Variants in TUNAR observed in about 807,000 individuals in gnomAD.
TUNAR encodes the protein transmembrane neural differentiation associated intracellular calcium regulator, also known as protein TUNAR.
At chr14:95,879,545 C>T (rs1888943955) in intron 2 of TUNAR, among the ~76,000 whole-genome samples, 1 of 152,190 alleles carries the variant, frequency 6.6e-6, no homozygotes, top group Non-Finnish European at 1.5e-5. Context: ...TCATACTACT[C>T]ATAGCCAAAG....
intron 2 of TUNAR, among the ~76,000 whole-genome samples, chr14:95,910,076 ATTTCT>A (rs1398276044): frequency 1.3e-5 from 2 of 152,182 alleles, no homozygotes; most frequent in Non-Finnish European, 2.9e-5. Context: ...GTGTATGATC[ATTTCT>A]TTACTTTTTT....
Position 95,888,298 on chromosome 14 carries a change from A to G in TUNAR, c.12+11121A>G, listed in dbSNP as rs752343361. The stretch of plus-strand genomic sequence containing the variant: ...CCGTGGACTCTTTCACTGAATGTGT[A>G]CAATAGCTTGATAAAGGAGTTAATT... On this transcript the variant is annotated intron_variant, in intron 2 of 2. Transcript: ENST00000678517. Among the ~76,000 whole-genome samples, 3 of 152,250 alleles carry G rather than the reference A, an allele frequency of 2.0e-5. No individual in the cohort carries two copies. The East Asian group carries it at 5.8e-4, about 29-fold the overall frequency.
intron 2 of TUNAR, among the ~76,000 whole-genome samples, chr14:95,919,512 C>T (rs1889657411): frequency 6.6e-6 from 1 of 151,444 alleles, no homozygotes; most frequent in African/African-American, 2.4e-5. Context: ...AGTTCAAGAC[C>T]AGCCTAGCAA....
chr14:95,879,517 C>T (rs1053808511), intron 2 of TUNAR, among the ~76,000 whole-genome samples: 6 of 152,154 alleles, frequency 3.9e-5, no homozygotes, highest in African/African-American at 7.2e-5. Context: ...TATGAAATAA[C>T]GATTTTTGTG....
chr14:95,903,903 C>T (rs1889392516), intron 2 of TUNAR, among the ~76,000 whole-genome samples: 1 of 152,194 alleles, frequency 6.6e-6, no homozygotes, highest in South Asian at 2.1e-4. Flanking sequence ...CAGGTGGCCT[C>T]AGGGGAGTTG....
intron 2 of TUNAR, among the ~76,000 whole-genome samples, chr14:95,893,091 GAA>G (rs1277643686): frequency 1.3e-5 from 2 of 152,122 alleles, no homozygotes; most frequent in Non-Finnish European, 2.9e-5. Context: ...AATGGGATGG[GAA>G]AATTTTCTCA....
chr14:95,913,631 A>G (rs866292785), intron 2 of TUNAR, among the ~76,000 whole-genome samples: 2 of 152,184 alleles, frequency 1.3e-5, no homozygotes, highest in South Asian at 2.1e-4. Flanking sequence ...CTCACCAGCA[A>G]ATAGAGGCTG....
At chr14:95,899,628 T>C (rs1889317914) in intron 2 of TUNAR, among the ~76,000 whole-genome samples, 2 of 152,198 alleles carry the variant, frequency 1.3e-5, no homozygotes, top group Admixed American at 6.5e-5. Flanking sequence ...TGCCAGTAGA[T>C]TGAGTGCCTG....
chr14:95,915,048 T>G (rs960171151), intron 2 of TUNAR, among the ~76,000 whole-genome samples: 1 of 152,220 alleles, frequency 6.6e-6, no homozygotes, highest in African/African-American at 2.4e-5. Context: ...CTGACTGAGC[T>G]GTCGGCAGGT....
intron 2 of TUNAR, among the ~76,000 whole-genome samples, chr14:95,889,006 G>A (rs1033404285): frequency 1.3e-5 from 2 of 152,220 alleles, no homozygotes; most frequent in Non-Finnish European, 2.9e-5. Context: ...CGTGAAACGG[G>A]ACCTCTGTAA....
At chr14:95,893,891 G>A (rs1442401086) in intron 2 of TUNAR, among the ~76,000 whole-genome samples, 3 of 152,246 alleles carry the variant, frequency 2.0e-5, no homozygotes, top group Non-Finnish European at 2.9e-5. Flanking sequence ...CACATGCCCG[G>A]TCTTTCTGGG....
At chr14:95,884,197 C>A (rs949447095) in intron 2 of TUNAR, among the ~76,000 whole-genome samples, 3 of 152,150 alleles carry the variant, frequency 2.0e-5, no homozygotes, top group Non-Finnish European at 2.9e-5. Context: ...TCTCATTTCT[C>A]CTTGGCTGGG....
chr14:95,900,295 G>A (rs1234270808), intron 2 of TUNAR, among the ~76,000 whole-genome samples: 9 of 152,216 alleles, frequency 5.9e-5, no homozygotes, highest in Admixed American at 4.6e-4. Flanking sequence ...CTGCGCTGCT[G>A]GGAGGTACAG....
chr14:95,884,639 T>A (rs1011899700), intron 2 of TUNAR, among the ~76,000 whole-genome samples: 7 of 152,312 alleles, frequency 4.6e-5, no homozygotes, highest in Non-Finnish European at 1.0e-4. Flanking sequence ...CTAGAACTTT[T>A]TTTCGAGGAA....
At chr14:95,883,599 G>A (rs758078586) in intron 2 of TUNAR, among the ~76,000 whole-genome samples, 4 of 152,242 alleles carry the variant, frequency 2.6e-5, no homozygotes, top group Non-Finnish European at 5.9e-5. Context: ...TAAGGGGTCT[G>A]TTCAGAATCT....
At chr14:95,887,629 T>A (rs1889099902) in intron 2 of TUNAR, among the ~76,000 whole-genome samples, 1 of 152,210 alleles carries the variant, frequency 6.6e-6, no homozygotes, top group East Asian at 1.9e-4. Flanking sequence ...ATATATGTAT[T>A]GGATAAATAA....
chr14:95,892,157 G>A (rs578050609), intron 2 of TUNAR, among the ~76,000 whole-genome samples: 8 of 152,224 alleles, frequency 5.3e-5, no homozygotes, highest in Non-Finnish European at 1.0e-4. Context: ...ACACTGAGAC[G>A]CTGCCAGGGG....
intron 2 of TUNAR, among the ~76,000 whole-genome samples, chr14:95,897,224 C>T (rs572529620): frequency 1.4e-4 from 21 of 152,310 alleles, no homozygotes; most frequent in African/African-American, 4.1e-4. Context: ...TGCATCCAGA[C>T]AGTGCATTGA....
intron 2 of TUNAR, among the ~76,000 whole-genome samples, chr14:95,894,579 A>G (rs1013248661): frequency 6.6e-6 from 1 of 152,194 alleles, no homozygotes; most frequent in Non-Finnish European, 1.5e-5. Context: ...TTCTTGGTGT[A>G]AACTGTTCCC....
Sources: gnomAD v4.1 joint callset for allele counts (sites outside exome capture counted in the v4.1 genomes callset) on GRCh38, gnomAD v4.1.1 for gene constraint, MANE v1.5 for transcripts, NCBI Gene and HGNC (gene_info 2026-07-23, HGNC 2026-07-21) for gene names.